The following NTAQ1 variants were observed in gnomAD, a reference collection of about 807,000 sequenced individuals.
The protein encoded by NTAQ1 is protein N-terminal glutamine amidohydrolase.
In NTAQ1, 21 loss-of-function variants were observed where a neutral mutation model predicts 28.2. The observed-to-expected ratio is 0.74, with a 90% CI of 0.53 to 1.07. NTAQ1 has a LOEUF of 1.07. Among genes scored for constraint, NTAQ1 ranks in the 50% least tolerant of loss-of-function variants. The pLI, the probability that NTAQ1 is intolerant of heterozygous loss-of-function variation, is 0.00. For missense variants in NTAQ1, 264 were observed against 256.6 expected (o/e 1.03, Z -0.20); for synonymous variants, 105 against 90.0 (o/e 1.17, Z -0.94).
Position 123,431,593 on chromosome 8 carries a change from T to C in NTAQ1, c.234+1560T>C, listed in dbSNP as rs555130319. Among the ~76,000 whole-genome samples the C allele has an allele frequency of 6.6e-5, 10 of 152,320 alleles. No homozygotes were observed. The East Asian group carries it at 1.5e-3, about 24-fold the overall frequency. On this transcript the variant is annotated intron_variant, in intron 3 of 5. Coordinates refer to ENST00000287387, the MANE Select transcript of NTAQ1 (RefSeq NM_018024.3). ...CAGTTTCGTTGCCAGCAGGTGATCT[T>C]GCATGAAAGCTGCTCTTGCATGAAA...
intron 3 of NTAQ1, among the ~76,000 whole-genome samples, chr8:123,432,313 TA>T (rs1287580973): frequency 6.6e-5 from 10 of 152,174 alleles, no homozygotes; most frequent in Admixed American, 6.5e-4. Context: ...ATCACAAATA[TA>T]TCTGCCACAT....
chr8:123,474,948 T>C (rs1181767473), downstream of NTAQ1, among the ~76,000 whole-genome samples: 1 of 152,174 alleles, frequency 6.6e-6, no homozygotes, highest in African/African-American at 2.4e-5. Context: ...CACCCACTAG[T>C]TTTAGCATCT....
rs567093915 is a variant in NTAQ1, at chr8:123,456,351, C to A, written c.373-10728C>A. Among the ~76,000 whole-genome samples the A allele has an allele frequency of 2.0e-5, 3 of 152,292 alleles. No individual in the cohort carries two copies. The South Asian group carries it at 6.2e-4, about 32-fold the overall frequency. On this transcript the variant is annotated intron_variant, in intron 6 of 6. Transcript: ENST00000650311. Reference sequence around the variant, plus strand: ...CTCAGGCTGGTGTGCACGATCTTGGCTCACTGCAGCCTCCGCCTCTGCAGG... The same window carrying A: ...CTCAGGCTGGTGTGCACGATCTTGGATCACTGCAGCCTCCGCCTCTGCAGG...
At chr8:123,420,495 G>A (rs976644740) in intron 1 of NTAQ1, among the ~76,000 whole-genome samples, 5 of 151,636 alleles carry the variant, frequency 3.3e-5, no homozygotes, top group African/African-American at 1.2e-4. Flanking sequence ...TCTCCAAACT[G>A]CTTTCCACAG....
At chr8:123,417,993 C>T (rs2130104408) in intron 1 of NTAQ1, among the ~76,000 whole-genome samples, 1 of 152,224 alleles carries the variant, frequency 6.6e-6, no homozygotes, top group African/African-American at 2.4e-5. Flanking sequence ...TTCTAAATCC[C>T]GTTAGTTCTC....
At chr8:123,458,704 C>T (rs1040633433) in intron 6 of NTAQ1, among the ~76,000 whole-genome samples, 2 of 151,374 alleles carry the variant, frequency 1.3e-5, no homozygotes, top group Admixed American at 6.6e-5. Flanking sequence ...TCACTGCAAG[C>T]TCCGCCTCCT....
intron 2 of NTAQ1, 32 bp downstream of exon 2, chr8:123,428,055 A>G: frequency 1.3e-6 from 2 of 1,497,294 alleles, no homozygotes. Flanking sequence ...GAAAGAAAAC[A>G]AGAGATTTAG....
At chr8:123,437,129 G>T in intron 4 of NTAQ1, 81 bp from the exon 5 acceptor site, 1 of 1,564,328 alleles carries the variant, frequency 6.4e-7, no homozygotes. Flanking sequence ...CATGTCATAG[G>T]AAATGAGTCG....
chr8:123,428,389 G>C (rs533391037), intron 2 of NTAQ1, among the ~76,000 whole-genome samples: 1 of 152,000 alleles, frequency 6.6e-6, no homozygotes, highest in East Asian at 1.9e-4. Context: ...GTAGAGATGG[G>C]GTTTTGCTAT....
At position 123,416,934 on chromosome 8, in the gene NTAQ1, T is replaced by C. The variant is rs1391515639; in HGVS notation, c.83+2T>C. On this transcript the variant is annotated splice_donor_variant, in intron 1 of 5. Coordinates refer to ENST00000287387, the MANE Select transcript of NTAQ1 (RefSeq NM_018024.3). LOFTEE classifies it high-confidence loss of function. ...CTGCGTCTACAGCAGCTGCTACTGG[T>C]GAGGGGGCGCGGGCGCAGCCTCTGG... The C allele has an allele frequency of 1.9e-5, 28 of 1,492,632 alleles. No individual in the cohort carries two copies. The highest frequency in any genetic ancestry group is 2.3e-5 in the Non-Finnish European group (26 of 1,119,670). 92.5% of individuals were successfully genotyped at this position (1,492,632 alleles called of 1,614,324 possible).
chr8:123,436,169 CAAAAAAAAA>C (rs34240319), intron 3 of NTAQ1, among the ~76,000 whole-genome samples: 2 of 85,988 alleles, frequency 2.3e-5, no homozygotes, highest in Admixed American at 2.8e-4. Flanking sequence ...GACTCCATCT[CAAAAAAAAA>C]AAAAAAAAAA....
intron 3 of NTAQ1, among the ~76,000 whole-genome samples, chr8:123,436,110 A>G (rs1452598288): frequency 6.8e-6 from 1 of 146,882 alleles, no homozygotes; most frequent in Non-Finnish European, 1.5e-5. Flanking sequence ...TGGAGGTTGC[A>G]GTGAGCTGAG....
downstream of NTAQ1, among the ~76,000 whole-genome samples, chr8:123,450,322 C>A (rs1360806023): frequency 6.6e-6 from 1 of 151,038 alleles, no homozygotes; most frequent in Non-Finnish European, 1.5e-5. Flanking sequence ...CTGTGGAGGT[C>A]TGTGGGCAAT....
chr8:123,433,768 G>C (rs1028490996), intron 3 of NTAQ1, among the ~76,000 whole-genome samples: 1 of 152,074 alleles, frequency 6.6e-6, no homozygotes, highest in African/African-American at 2.4e-5. Flanking sequence ...TTTTAAAAGG[G>C]TTGATCATTT....
chr8:123,444,162 T>C (rs1815183356), downstream of NTAQ1, among the ~76,000 whole-genome samples: 1 of 152,156 alleles, frequency 6.6e-6, no homozygotes, highest in African/African-American at 2.4e-5. Flanking sequence ...AAAGAAGATA[T>C]TTCAAGAAAA....
At chr8:123,454,743 G>A (rs931939108) in intron 6 of NTAQ1, among the ~76,000 whole-genome samples, 2 of 152,128 alleles carry the variant, frequency 1.3e-5, no homozygotes, top group Admixed American at 6.5e-5. Context: ...GTCTGCCAGC[G>A]GATACTGTAG....
At chr8:123,449,787 G>A (rs1815415536), downstream of NTAQ1, among the ~76,000 whole-genome samples, 1 of 149,780 alleles carries the variant, frequency 6.7e-6, no homozygotes. Flanking sequence ...GGTAGGCGGA[G>A]GTTGTAGTGA....
intron 1 of NTAQ1, among the ~76,000 whole-genome samples, chr8:123,420,571 A>G (rs1286944450): frequency 6.9e-6 from 1 of 145,422 alleles, no homozygotes; most frequent in South Asian, 2.2e-4. Context: ...CCAACTTGCC[A>G]GCGTCTGTTA....
At chr8:123,438,368 A>G (rs1363841940) in intron 5 of NTAQ1, 6 of 541,932 alleles carry the variant, frequency 1.1e-5, no homozygotes, top group Non-Finnish European at 1.7e-5. Flanking sequence ...TAGTACTTCA[A>G]CAAGGGTCTG....
Sources: allele counts gnomAD v4.1 joint callset (sites outside exome capture counted in the v4.1 genomes callset), GRCh38; gene constraint gnomAD v4.1.1; transcripts MANE v1.5; gene names NCBI Gene and HGNC (gene_info 2026-07-23, HGNC 2026-07-21).